Variants in FILIP1L observed in about 807,000 individuals in gnomAD.
FILIP1L encodes the protein filamin A-interacting protein 1-like.
Under a neutral mutation model 96.6 loss-of-function variants are expected in FILIP1L, and 55 were observed. The observed-to-expected ratio is 0.57, with a 90% CI of 0.46 to 0.71. The LOEUF is 0.71. Among genes scored for constraint, FILIP1L ranks in the 30% least tolerant of loss-of-function variants. The pLI, the probability that FILIP1L is intolerant of heterozygous loss-of-function variation, is 0.00. For synonymous variants in FILIP1L, 467 were observed against 473.9 expected (o/e 0.99, Z 0.19); for missense variants, 1,304 against 1,321.2 (o/e 0.99, Z 0.20).
At chr3:99,980,868 T>A (rs1709101363) in intron 1 of FILIP1L, among the ~76,000 whole-genome samples, 2 of 152,190 alleles carry the variant, frequency 1.3e-5, no homozygotes, top group Non-Finnish European at 2.9e-5. Flanking sequence ...AGGCCAGTGC[T>A]GCTTCCTTTA....
chr3:99,963,103 G>C (rs1210493937), intron 1 of FILIP1L, among the ~76,000 whole-genome samples: 4 of 152,224 alleles, frequency 2.6e-5, no homozygotes, highest in African/African-American at 7.2e-5. Context: ...GGTTTAGCCT[G>C]CCTACAGAGG....
At chr3:100,073,626 C>T (rs1203889569) in intron 1 of FILIP1L, among the ~76,000 whole-genome samples, 1 of 152,122 alleles carries the variant, frequency 6.6e-6, no homozygotes, top group Non-Finnish European at 1.5e-5. Flanking sequence ...GTTAGAGCTC[C>T]TCAAAGAAGG....
intron 4 of FILIP1L, among the ~76,000 whole-genome samples, chr3:99,920,983 A>G (rs1241736660): frequency 1.3e-5 from 2 of 152,102 alleles, no homozygotes; most frequent in Non-Finnish European, 1.5e-5. Context: ...ACCCCTTTGT[A>G]TCTATTTTCA....
intron 1 of FILIP1L, among the ~76,000 whole-genome samples, chr3:100,070,555 A>G (rs750931387): frequency 2.0e-5 from 3 of 152,222 alleles, no homozygotes; most frequent in Admixed American, 6.5e-5. Flanking sequence ...ATGGGGTTGT[A>G]ATAAGATACT....
In FILIP1L at chr3:99,849,292, A is replaced by G. The variant is rs1802924; in HGVS notation, c.2384T>C (p.Val795Ala). ...TTCTGTCTGAACTTCTTTAGAAAAT[A>G]CTTGAGGATCGGAAATTCTTCTTCC... ...LNGRRISDPQ[V>A]FSKEVQTEAV... Residue 795 changes from valine to alanine, a missense_variant, in exon 5 of 6, where the codon GTA becomes GCA. Val to Ala is a moderately conservative substitution (Grantham distance 64). Transcript: ENST00000477258. 2 of 1,614,140 alleles carry G rather than the reference A, an allele frequency of 1.2e-6. No individual in the cohort carries two copies. Among genetic ancestry groups the G allele is most frequent in the African/African-American group, 2.7e-5 (2 of 75,044 alleles).
intron 1 of FILIP1L, among the ~76,000 whole-genome samples, chr3:99,971,196 C>T (rs980106073): frequency 5.3e-5 from 8 of 152,034 alleles, no homozygotes; most frequent in Non-Finnish European, 1.2e-4. Flanking sequence ...AATAATTAGC[C>T]GGGCCTGGTG....
chr3:100,026,815 C>A (rs567834544), intron 1 of FILIP1L, among the ~76,000 whole-genome samples: 16 of 152,150 alleles, frequency 1.1e-4, no homozygotes, highest in Non-Finnish European at 2.1e-4. Context: ...TCCATTCTTT[C>A]TCTCCTGCAG....
chr3:100,091,771 A>G (rs188409286), intron 1 of FILIP1L, among the ~76,000 whole-genome samples: 135 of 152,358 alleles, frequency 8.9e-4, no homozygotes, highest in Non-Finnish European at 1.4e-3. Context: ...TTTTCTAGAC[A>G]TATTTCCAAT....
chr3:99,959,425 C>T (rs1432246760), intron 1 of FILIP1L, among the ~76,000 whole-genome samples: 3 of 152,228 alleles, frequency 2.0e-5, no homozygotes, highest in Non-Finnish European at 4.4e-5. Flanking sequence ...GCTGGGATTA[C>T]AGGCGTGAGC....
In FILIP1L at chr3:100,038,382, T is replaced by C. The variant is rs111882680; in HGVS notation, c.-11+75671A>G. 3.9e-5 allele frequency among the ~76,000 whole-genome samples: 6 copies of C among 152,350 alleles called. 1 individual carries two copies. The highest frequency in any genetic ancestry group is 7.2e-5 in the African/African-American group (3 of 41,580). On this transcript the variant is annotated intron_variant, in intron 1 of 5. Transcript: ENST00000477258. ...ACTGGCAACAGATAGAAAAATAAGA[T>C]ATTGAATTATCCAAAAGCTGATTAG...
intron 1 of FILIP1L, among the ~76,000 whole-genome samples, chr3:100,082,140 C>CTTT (rs1313004174): frequency 4.5e-4 from 68 of 152,258 alleles, no homozygotes; most frequent in African/African-American, 1.5e-3. Flanking sequence ...TTGCAAAATA[C>CTTT]AAACAACTCT....
chr3:99,934,728 C>G (rs1707603857), intron 1 of FILIP1L, among the ~76,000 whole-genome samples: 1 of 152,214 alleles, frequency 6.6e-6, no homozygotes, highest in Admixed American at 6.5e-5. Context: ...GCTTCCTCAC[C>G]TCACTCTTAA....
chr3:99,998,591 G>A (rs1383173779), intron 1 of FILIP1L, among the ~76,000 whole-genome samples: 1 of 152,146 alleles, frequency 6.6e-6, no homozygotes, highest in Non-Finnish European at 1.5e-5. Flanking sequence ...TCAAAACTTA[G>A]TCTTTCCAGC....
chr3:99,995,099 C>G lies in FILIP1L; in HGVS notation c.-10-64069G>C, dbSNP rs144215262. Among the ~76,000 whole-genome samples the G allele has an allele frequency of 3.3e-5, 5 of 152,256 alleles. No homozygotes were observed. In the East Asian group the frequency reaches 9.7e-4, roughly 29 times the overall value. On this transcript the variant is annotated intron_variant, in intron 1 of 5. Coordinates refer to ENST00000477258, the MANE Select transcript of FILIP1L (RefSeq NM_001387850.1). ...TAACCCAAAACGCGCAGTCCAAAGT[C>G]TCATCTGAGACAAGGCAAGTCCCTT...
intron 1 of FILIP1L, among the ~76,000 whole-genome samples, chr3:100,002,345 T>TC (rs1191451870): frequency 6.6e-6 from 1 of 152,236 alleles, no homozygotes; most frequent in East Asian, 1.9e-4. Flanking sequence ...AGATAGGTCT[T>TC]AATACATTAT....
At chr3:99,918,315 G>A (rs555591431) in intron 4 of FILIP1L, among the ~76,000 whole-genome samples, 2 of 152,248 alleles carry the variant, frequency 1.3e-5, no homozygotes, top group East Asian at 3.9e-4. Flanking sequence ...TTTGAGGAAT[G>A]GAATTTGCCA....
intron 1 of FILIP1L, among the ~76,000 whole-genome samples, chr3:100,085,007 G>A (rs1242232968): frequency 1.3e-5 from 2 of 152,164 alleles, no homozygotes; most frequent in African/African-American, 4.8e-5. Context: ...TCTGTCATTT[G>A]TTGAATTGTG....
intron 5 of FILIP1L, among the ~76,000 whole-genome samples, chr3:99,834,771 A>G (rs1942828441): frequency 6.6e-6 from 1 of 152,178 alleles, no homozygotes. Context: ...GGTAGTATCT[A>G]GAGCACAAGC....
intron 1 of FILIP1L, among the ~76,000 whole-genome samples, chr3:100,055,314 C>T (rs1374642931): frequency 6.6e-6 from 1 of 152,168 alleles, no homozygotes; most frequent in Non-Finnish European, 1.5e-5. Context: ...CCTCTTAGTT[C>T]TGTTATCCCC....
Sources: gnomAD v4.1 joint callset for allele counts (sites outside exome capture counted in the v4.1 genomes callset) on GRCh38, gnomAD v4.1.1 for gene constraint, MANE v1.5 for transcripts, NCBI Gene and HGNC (gene_info 2026-07-23, HGNC 2026-07-21) for gene names.